FHIT: variants seen among roughly 807,000 people sequenced by gnomAD.
FHIT encodes fragile histidine triad diadenosine triphosphatase, also known as bis(5'-adenosyl)-triphosphatase.
In FHIT, 19 loss-of-function variants were observed where a neutral mutation model predicts 17.9. The ratio of observed to expected loss-of-function variants is 1.06; its 90% confidence interval spans 0.74 to 1.56. FHIT has a LOEUF of 1.56. FHIT is among the 40% of genes most tolerant of loss of function. FHIT has a pLI of 0.00. For synonymous variants in FHIT, 81 were observed against 69.7 expected (o/e 1.16, Z -0.81); for missense variants, 248 against 189.2 (o/e 1.31, Z -1.82).
At chr3:61,207,700 C>T (rs960379666) in intron 1 of FHIT, among the ~76,000 whole-genome samples, 38 of 151,858 alleles carry the variant, frequency 2.5e-4, no homozygotes, top group African/African-American at 9.2e-4. Flanking sequence ...CTATTTGATT[C>T]TTCTCTCTTT....
At position 60,457,947 on chromosome 3, in the gene FHIT, G is replaced by A. The variant is rs1229566994; in HGVS notation, c.103+78913C>T. On this transcript the variant is annotated intron_variant, in intron 5 of 9. Coordinates refer to ENST00000492590, the MANE Select transcript of FHIT (RefSeq NM_002012.4). The stretch of plus-strand genomic sequence containing the variant: ...GTCAGGAAACAACAGGTGCTGGAGA[G>A]GATGTGGAGAAATAGGAACACTTTT... Among the ~76,000 whole-genome samples the A allele has an allele frequency of 2.6e-5, 4 of 152,164 alleles. No individual in the cohort carries two copies. In the East Asian group the frequency reaches 7.7e-4, roughly 29 times the overall value.
At chr3:61,031,258 A>G (rs1257723697) in intron 3 of FHIT, among the ~76,000 whole-genome samples, 1 of 152,200 alleles carries the variant, frequency 6.6e-6, no homozygotes, top group African/African-American at 2.4e-5. Flanking sequence ...AGTTATTAAA[A>G]TTTATCACTG....
At chr3:60,875,229 C>T (rs1443162219) in intron 3 of FHIT, among the ~76,000 whole-genome samples, 1 of 152,136 alleles carries the variant, frequency 6.6e-6, no homozygotes, top group African/African-American at 2.4e-5. Context: ...TTTTCTGATG[C>T]TTACTACTTG....
intron 5 of FHIT, among the ~76,000 whole-genome samples, chr3:60,498,574 A>G: frequency 6.6e-6 from 1 of 152,218 alleles, no homozygotes; most frequent in East Asian, 1.9e-4. Context: ...TATAATCATG[A>G]ATAATGATGT....
intron 3 of FHIT, among the ~76,000 whole-genome samples, chr3:60,838,485 AAAACAAACAAAC>A: frequency 6.6e-6 from 1 of 152,114 alleles, no homozygotes; most frequent in East Asian, 1.9e-4. Context: ...AACAAAAACA[AAAACAAACAAAC>A]AAACAAACAA....
At chr3:60,509,627 T>C (rs1482281246) in intron 5 of FHIT, among the ~76,000 whole-genome samples, 3 of 152,370 alleles carry the variant, frequency 2.0e-5, no homozygotes, top group African/African-American at 4.8e-5. Flanking sequence ...TATTTTGCTA[T>C]TCGCAAGTGA....
intron 5 of FHIT, among the ~76,000 whole-genome samples, chr3:60,099,170 C>T (rs1704089868): frequency 6.6e-6 from 1 of 152,144 alleles, no homozygotes; most frequent in African/African-American, 2.4e-5. Context: ...TTGTCTCCTA[C>T]TAGTCTTTGC....
At chr3:60,933,973 T>C (rs939655879) in intron 3 of FHIT, among the ~76,000 whole-genome samples, 1 of 152,174 alleles carries the variant, frequency 6.6e-6, no homozygotes, top group Non-Finnish European at 1.5e-5. Flanking sequence ...TCTGAATGGC[T>C]TGTGGAAGGG....
intron 5 of FHIT, among the ~76,000 whole-genome samples, chr3:60,277,365 C>T (rs1281657898): frequency 6.6e-6 from 1 of 152,098 alleles, no homozygotes; most frequent in African/African-American, 2.4e-5. Flanking sequence ...AAAGAGCAGC[C>T]TGTAAAATCA....
At chr3:60,493,983 G>C (rs1397447553) in intron 5 of FHIT, among the ~76,000 whole-genome samples, 1 of 151,972 alleles carries the variant, frequency 6.6e-6, no homozygotes, top group East Asian at 2.0e-4. Context: ...TCAAGAGGGA[G>C]GTAGACAAAT....
chr3:61,001,463 T>C (rs2031077701), intron 3 of FHIT, among the ~76,000 whole-genome samples: 1 of 152,224 alleles, frequency 6.6e-6, no homozygotes, highest in Non-Finnish European at 1.5e-5. Flanking sequence ...TAACACGGAA[T>C]ATTTCTTAGC....
At chr3:61,221,183 G>A (rs1448466160) in intron 1 of FHIT, among the ~76,000 whole-genome samples, 1 of 152,242 alleles carries the variant, frequency 6.6e-6, no homozygotes, top group South Asian at 2.1e-4. Flanking sequence ...AGGACTGGAA[G>A]GTGCCATGGC....
At chr3:60,484,402 C>G (rs1054369656) in intron 5 of FHIT, among the ~76,000 whole-genome samples, 1 of 152,152 alleles carries the variant, frequency 6.6e-6, no homozygotes, top group Non-Finnish European at 1.5e-5. Flanking sequence ...AGGTATCAGG[C>G]TACCTGGCTT....
chr3:60,391,205 A>AAACG (rs1701220379), intron 5 of FHIT, among the ~76,000 whole-genome samples: 1 of 24,400 alleles, frequency 4.1e-5, no homozygotes, highest in African/African-American at 6.0e-5. Context: ...AACAAAAAAC[A>AAACG]AACAAACAAA....
intron 5 of FHIT, among the ~76,000 whole-genome samples, chr3:60,420,705 C>T (rs537049186): frequency 6.6e-6 from 1 of 152,206 alleles, no homozygotes; most frequent in Admixed American, 6.5e-5. Context: ...TCATGTGGTT[C>T]ACTTTCAAAA....
intron 5 of FHIT, among the ~76,000 whole-genome samples, chr3:60,135,957 G>A (rs1699798647): frequency 1.3e-5 from 2 of 152,118 alleles, no homozygotes; most frequent in Middle Eastern, 3.4e-3. Flanking sequence ...ATTTTATCCT[G>A]TATGTGTTTT....
chr3:60,996,150 T>G (rs1269752101), intron 3 of FHIT, among the ~76,000 whole-genome samples: 4 of 152,236 alleles, frequency 2.6e-5, no homozygotes, highest in Non-Finnish European at 5.9e-5. Flanking sequence ...GGTCTTGAGT[T>G]GCTGTTTATT....
intron 2 of FHIT, among the ~76,000 whole-genome samples, chr3:61,190,904 G>A (rs2038692755): frequency 6.9e-6 from 1 of 144,766 alleles, no homozygotes; most frequent in Non-Finnish European, 1.5e-5. Context: ...ACACAGGAAG[G>A]GGAACATCAC....
At chr3:59,832,586 G>A (rs534036300) in intron 8 of FHIT, among the ~76,000 whole-genome samples, 3 of 152,292 alleles carry the variant, frequency 2.0e-5, no homozygotes, top group Admixed American at 6.5e-5. Context: ...GCATGGCCCC[G>A]ATGAGGGCTT....
Sources: allele counts gnomAD v4.1 joint callset (sites outside exome capture counted in the v4.1 genomes callset), GRCh38; gene constraint gnomAD v4.1.1; transcripts MANE v1.5; gene names NCBI Gene and HGNC (gene_info 2026-07-23, HGNC 2026-07-21).